The following FANK1 variants were observed in gnomAD, a reference collection of about 807,000 sequenced individuals.
FANK1 encodes the protein fibronectin type III and ankyrin repeat domains 1, also known as fibronectin type 3 and ankyrin repeat domains protein 1.
A neutral mutation model predicts 45.3 loss-of-function variants in FANK1; 44 were observed. The observed-to-expected ratio is 0.97, with a 90% CI of 0.76 to 1.25. The LOEUF is 1.25. Ranked by LOEUF, FANK1 falls within the 50% of genes most tolerant of loss-of-function variation. FANK1 has a pLI of 0.00. For missense variants in FANK1, 391 were observed against 424.4 expected (o/e 0.92, Z 0.69); for synonymous variants, 149 against 152.5 (o/e 0.98, Z 0.17).
chr10:125,980,417 C>G (rs1951127862), intron 2 of FANK1, 79 bp downstream of exon 2: 2 of 1,429,476 alleles, frequency 1.4e-6, no homozygotes, highest in Admixed American at 2.3e-5. Flanking sequence ...CTCTAAAAAG[C>G]CACTGCTTGT....
chr10:125,898,754 C>G (rs1384860981), intron 1 of FANK1, among the ~76,000 whole-genome samples: 4 of 152,092 alleles, frequency 2.6e-5, no homozygotes, highest in African/African-American at 9.7e-5. Context: ...ACATTTATAT[C>G]TCATGTCATT....
chr10:125,960,341 G>A (rs1011300868), intron 1 of FANK1: 9 of 226,926 alleles, frequency 4.0e-5, no homozygotes, highest in South Asian at 5.7e-5. Flanking sequence ...TCCTCTCCAC[G>A]CCGACCTGCA....
chr10:125,919,587 A>G (rs1378448499), intron 1 of FANK1, among the ~76,000 whole-genome samples: 1 of 151,986 alleles, frequency 6.6e-6, no homozygotes, highest in Non-Finnish European at 1.5e-5. Context: ...GCAGAATACT[A>G]AAGACTAGCC....
intron 1 of FANK1, among the ~76,000 whole-genome samples, chr10:125,923,848 C>G (rs998698751): frequency 2.0e-5 from 3 of 152,180 alleles, no homozygotes; most frequent in Admixed American, 2.0e-4. Context: ...GACTTCCTTT[C>G]AGAGTCTTTC....
At position 125,926,198 on chromosome 10, in the gene FANK1, T is replaced by C. The variant is rs796448247; in HGVS notation, c.13+29543T>C. On this transcript the variant is annotated intron_variant, in intron 1 of 10. Transcript: ENST00000368693. ...TTTTTATTTTGACATAATTGCAGATTCACAGGCGGTTTTAAGAAATAATAG... is the reference window on the plus strand; with the variant it reads ...TTTTTATTTTGACATAATTGCAGATCCACAGGCGGTTTTAAGAAATAATAG... Among the ~76,000 whole-genome samples, 3 of 152,280 alleles carry C rather than the reference T, an allele frequency of 2.0e-5. No homozygotes were observed. The South Asian group carries it at 6.2e-4, about 32-fold the overall frequency.
At chr10:125,970,034 A>C (rs1233498164) in intron 1 of FANK1, among the ~76,000 whole-genome samples, 1 of 152,252 alleles carries the variant, frequency 6.6e-6, no homozygotes. Flanking sequence ...CTTTCTACAC[A>C]GACACAGTAA....
intron 1 of FANK1, among the ~76,000 whole-genome samples, chr10:125,971,889 A>G (rs978427541): frequency 6.6e-6 from 1 of 152,126 alleles, no homozygotes; most frequent in African/African-American, 2.4e-5. Context: ...CCGAAAGTAA[A>G]GTGCTGGGAT....
intron 1 of FANK1, among the ~76,000 whole-genome samples, chr10:125,973,998 A>G (rs925961841): frequency 2.6e-5 from 4 of 152,158 alleles, no homozygotes; most frequent in African/African-American, 9.7e-5. Flanking sequence ...TCATACAGCT[A>G]ATTTCTTTTA....
chr10:125,970,542 C>T (rs906919008), intron 1 of FANK1, among the ~76,000 whole-genome samples: 4 of 152,170 alleles, frequency 2.6e-5, no homozygotes, highest in Non-Finnish European at 1.5e-5. Context: ...ACTGAGTGAG[C>T]GAGACTCCGT....
At chr10:125,954,574 C>A (rs1399839647) in intron 1 of FANK1, among the ~76,000 whole-genome samples, 1 of 135,952 alleles carries the variant, frequency 7.4e-6, no homozygotes. Flanking sequence ...TTCAATAGTT[C>A]ATGGATTTTT....
chr10:125,998,417 A>G (rs888719281), intron 6 of FANK1, among the ~76,000 whole-genome samples: 2 of 152,236 alleles, frequency 1.3e-5, no homozygotes, highest in African/African-American at 2.4e-5. Context: ...TATTTTTCCA[A>G]ATAACTCATA....
rs751986328 is a variant in FANK1 at position 125,980,335 on chromosome 10, A to G, written c.188A>G (p.Tyr63Cys). 1.9e-5 allele frequency: 30 copies of G among 1,613,526 alleles called. No homozygotes were observed. The highest frequency in any genetic ancestry group is 2.4e-5 in the Non-Finnish European group (28 of 1,179,922). Residue 63 changes from tyrosine (Y) to cysteine (C), a missense_variant, in exon 2 of 11, where the codon TAT (tyrosine) becomes TGT (cysteine). Coordinates refer to ENST00000368693, the MANE Select transcript of FANK1 (RefSeq NM_145235.5). ...AAAATGCACACTTATGGTATCATTT[A>G]TACGTAGGTGCAGTGTTGAATTGCT... ...DPKMHTYGII[Y>C]TGYATKHVVE...
rs79114084 is a variant in FANK1, at chr10:125,974,133, G to A, written c.14-6028G>A. Among the ~76,000 whole-genome samples, 454 of 152,266 alleles carry A rather than the reference G, an allele frequency of 3.0e-3. 9 individuals carry two copies. The East Asian group carries it at 0.056, about 19-fold the overall frequency. The stretch of plus-strand genomic sequence containing the variant: ...TTTCAGAGAACATATTCAAACCTAG[G>A]TTTATCCAATTCCATCATGCTTTCT... On this transcript the variant is annotated intron_variant, in intron 1 of 10. Coordinates refer to ENST00000368693, the MANE Select transcript of FANK1 (RefSeq NM_145235.5).
At position 126,008,390 on chromosome 10, in the gene FANK1, T is replaced by C. The variant is rs1394168873; in HGVS notation, c.706-17T>C. ...AAAGAAATTGGGCTCAACACAGCTGTTTCTCTGGCCCAACAGGTAGACGTC... is the reference window on the plus strand; with the variant it reads ...AAAGAAATTGGGCTCAACACAGCTGCTTCTCTGGCCCAACAGGTAGACGTC... On this transcript the variant is annotated splice_polypyrimidine_tract_variant and intron_variant, in intron 7 of 10. Transcript: ENST00000368693. 4.4e-6 allele frequency: 7 copies of C among 1,574,566 alleles called. No homozygotes were observed. The highest frequency in any genetic ancestry group is 6.0e-6 in the Non-Finnish European group (7 of 1,162,828).
chr10:125,996,693 C>A, intron 5 of FANK1, 69 bp downstream of exon 5: 2 of 1,514,558 alleles, frequency 1.3e-6, no homozygotes, highest in South Asian at 1.2e-5. Context: ...AGGCTCTGGT[C>A]AGGATAAGGA....
chr10:125,956,205 G>T (rs1041650009), intron 1 of FANK1, among the ~76,000 whole-genome samples: 6 of 145,986 alleles, frequency 4.1e-5, no homozygotes, highest in Admixed American at 2.7e-4. Flanking sequence ...CATTTTTTGG[G>T]GGGGGGGCGG....
At position 125,952,796 on chromosome 10, in the gene FANK1, TACATAC is replaced by T. The variant is rs1220445473; in HGVS notation, c.14-27361_14-27356del. Among the ~76,000 whole-genome samples the T allele has an allele frequency of 2.1e-4, 21 of 101,008 alleles. No individual in the cohort carries two copies. In the East Asian group the frequency reaches 2.3e-3, roughly 11 times the overall value. The allele number at this position is 101,008 out of a possible 152,430, so 66.3% of individuals were successfully genotyped here. A position where few individuals can be genotyped will look rare whatever the true frequency, so the allele number is the denominator to read the frequency against. ...TGCTGCTGTGGTGCCCAGCAGGAAA[TACATAC>T]ACACACACACACACACACACACACA... On this transcript the variant is annotated intron_variant, in intron 1 of 10. Coordinates refer to ENST00000368693, the MANE Select transcript of FANK1 (RefSeq NM_145235.5).
chr10:126,004,631 A>T, intron 6 of FANK1: 1 of 425,882 alleles, frequency 2.3e-6, no homozygotes, highest in Non-Finnish European at 4.3e-6. Flanking sequence ...GTGGCCTTTC[A>T]TGGCTGGCAT....
At chr10:125,950,027 A>G (rs1467854136) in intron 1 of FANK1, among the ~76,000 whole-genome samples, 1 of 129,976 alleles carries the variant, frequency 7.7e-6, no homozygotes, top group Non-Finnish European at 1.7e-5. Flanking sequence ...AGGATTCCCT[A>G]TTTAATAAAT....
Sources: gnomAD v4.1 joint callset for allele counts (sites outside exome capture counted in the v4.1 genomes callset) on GRCh38, gnomAD v4.1.1 for gene constraint, MANE v1.5 for transcripts, NCBI Gene and HGNC (gene_info 2026-07-23, HGNC 2026-07-21) for gene names.